The following MYH1 variants were observed in gnomAD, a reference collection of about 807,000 sequenced individuals.
MYH1 encodes myosin-1.
In MYH1, 214 loss-of-function variants were observed where a neutral mutation model predicts 225.6. The observed-to-expected ratio is 0.95, with a 90% CI of 0.85 to 1.06. The LOEUF is 1.06. MYH1 is among the 50% of genes least tolerant of loss of function. MYH1 has a pLI of 0.00. For missense variants in MYH1, 2,098 were observed against 2,344.2 expected (o/e 0.89, Z 2.17); for synonymous variants, 774 against 842.3 (o/e 0.92, Z 1.40).
intron 28 of MYH1, among the ~76,000 whole-genome samples, chr17:10,499,482 A>G (rs1567716596): frequency 6.6e-6 from 1 of 152,224 alleles, no homozygotes; most frequent in Non-Finnish European, 1.5e-5. Flanking sequence ...AAGGATTTAT[A>G]CTGTGGAAAA....
At position 10,516,319 on chromosome 17, in the gene MYH1, T is replaced by G. The variant is rs760265363; in HGVS notation, c.228A>C (p.Gln76His). The G allele has an allele frequency of 3.7e-6, 6 of 1,614,064 alleles. No individual in the cohort carries two copies. The African/African-American group carries it at 6.7e-5, about 18-fold the overall frequency. Residue 76 changes from glutamine to histidine, a missense_variant, in exon 4 of 40, where the codon CAA (glutamine) becomes CAC (histidine). By Grantham distance (24) the Gln-to-His change is conservative (BLOSUM62 0). Coordinates refer to ENST00000226207, the MANE Select transcript of MYH1 (RefSeq NM_005963.4). ...AGATVTVKDD[Q>H]VFPMNPPKYD... ...ATTTGGGAGGGTTCATGGGGAAGAC[T>G]TGGTCATCTTTCACTGTTACAGTCT...
intron 6 of MYH1, 128 bp from the exon 7 acceptor site, chr17:10,514,252 C>G: frequency 9.1e-7 from 1 of 1,104,058 alleles, no homozygotes; most frequent in South Asian, 1.6e-5. Context: ...ACATATAGCT[C>G]GTATTATTTC....
chr17:10,501,546 A>C, intron 26 of MYH1, 47 bp from the exon 27 acceptor site: 1 of 1,614,220 alleles, frequency 6.2e-7, no homozygotes, highest in Non-Finnish European at 8.5e-7. Context: ...TCTTGGTGTC[A>C]GTAACTTTTC....
intron 2 of MYH1, among the ~76,000 whole-genome samples, chr17:10,517,222 T>A (rs1249201525): frequency 6.6e-6 from 1 of 152,158 alleles, no homozygotes; most frequent in Non-Finnish European, 1.5e-5. Flanking sequence ...ATTCTGTACA[T>A]GACAGAAATA....
chr17:10,500,936 G>C (rs2073047452), intron 27 of MYH1, among the ~76,000 whole-genome samples, 174 bp downstream of exon 27: 1 of 152,050 alleles, frequency 6.6e-6, no homozygotes, highest in African/African-American at 2.4e-5. Context: ...CATAGTCCAA[G>C]CATACAGCCA....
intron 29 of MYH1, 64 bp from the exon 30 acceptor site, chr17:10,498,886 C>T: frequency 6.2e-7 from 1 of 1,606,888 alleles, no homozygotes; most frequent in Non-Finnish European, 8.5e-7. Flanking sequence ...TTCCTGATCT[C>T]CTATAGGCCA....
chr17:10,497,274 A>G lies in MYH1; in HGVS notation c.4531+13T>C. On this transcript the variant is annotated intron_variant, in intron 32 of 39. Transcript: ENST00000226207. ...AATCTTTTATTGTTAAAGAAAAGGT[A>G]AAATGTTCTCACGTTGCAAATTCTT... is the stretch of plus-strand genomic sequence containing the variant. The G allele has an allele frequency of 6.3e-7, 1 of 1,595,314 alleles. No homozygotes were observed. Among genetic ancestry groups the G allele is most frequent in the Non-Finnish European group, 8.5e-7 (1 of 1,174,976 alleles).
Position 10,501,901 on chromosome 17 carries a change from G to C in MYH1, c.3122C>G (p.Ser1041Cys). The change falls in exon 25 of 40, where the codon TCT becomes TGT. Residue 1041 changes from serine to cysteine, a missense_variant. By Grantham distance (112) the Ser-to-Cys change is moderately radical (BLOSUM62 -1). Coordinates refer to ENST00000226207, the MANE Select transcript of MYH1 (RefSeq NM_005963.4). The stretch of plus-strand genomic sequence containing the variant: ...CCGGATTTTCTTTTCTTGTTCCAAA[G>C]ATCCTTCAAGCTAAAAGTTAATAAT... Reference protein sequence around the residue: ...LEQQVDDLEGSLEQEKKIRMD... With the variant: ...LEQQVDDLEGCLEQEKKIRMD... 1 of 1,604,804 alleles carries C rather than the reference G, an allele frequency of 6.2e-7. No individual in the cohort carries two copies. The highest frequency in any genetic ancestry group is 1.1e-5 in the South Asian group (1 of 87,864).
In MYH1 at chr17:10,516,671, T is replaced by C. The variant is rs2073233370; in HGVS notation, c.-29A>G. ...TGCAGGTTATTGATGGTAGCCCAGT[T>C]AAGGACCCTGGCTGGGAGAGGAAGA... On this transcript the variant is annotated 5_prime_UTR_variant, in exon 3 of 40. Transcript: ENST00000226207. 1 of 1,612,132 alleles carries C rather than the reference T, an allele frequency of 6.2e-7. No homozygotes were observed.
chr17:10,509,307 T>C (rs1348690222), intron 15 of MYH1, among the ~76,000 whole-genome samples, 178 bp downstream of exon 15: 2 of 152,362 alleles, frequency 1.3e-5, no homozygotes, highest in African/African-American at 2.4e-5. Context: ...CTGGACTCTA[T>C]AGAAAATATT....
At chr17:10,506,761 G>A (rs1480432855) in intron 17 of MYH1, among the ~76,000 whole-genome samples, 13 of 152,184 alleles carry the variant, frequency 8.5e-5, no homozygotes, top group Admixed American at 8.5e-4. Flanking sequence ...CCAAAGTGCT[G>A]GGATTACAGG....
In MYH1 at chr17:10,495,187, C is replaced by T. The variant is rs779431315; in HGVS notation, c.5295+5G>A. The T allele has an allele frequency of 6.2e-7, 1 of 1,614,122 alleles. No homozygotes were observed. Among genetic ancestry groups the T allele is most frequent in the African/African-American group, 1.3e-5 (1 of 74,936 alleles). Reference sequence around the variant, plus strand: ...TTGACCACCACTGTGTTACCCTTCACTCACATCAGTGATGGCCTTCTTGGC... The same window carrying T: ...TTGACCACCACTGTGTTACCCTTCATTCACATCAGTGATGGCCTTCTTGGC... On this transcript the variant is annotated splice_donor_5th_base_variant and intron_variant, in intron 36 of 39. Coordinates refer to ENST00000226207, the MANE Select transcript of MYH1 (RefSeq NM_005963.4).
At chr17:10,506,832 G>A (rs2073117512) in intron 17 of MYH1, among the ~76,000 whole-genome samples, 1 of 152,152 alleles carries the variant, frequency 6.6e-6, no homozygotes, top group South Asian at 2.1e-4. Flanking sequence ...ACTTGTATCT[G>A]TGTGTCTATC....
Position 10,496,521 on chromosome 17 carries a change from A to T in MYH1, c.4685T>A (p.Ile1562Asn). Residue 1562 changes from isoleucine to asparagine, a missense_variant, in exon 34 of 40, where the codon ATC becomes AAC. By Grantham distance (149) the Ile-to-Asn change is moderately radical. Transcript: ENST00000226207. ...EASLEHEEGK[I>N]LRIQLELNQV... Reference sequence around the variant, plus strand: ...GTTCAACTCAAGCTGGATGCGCAGGATCTTTCCCTCTTCATGTTCAAGAGA... The same window carrying T: ...GTTCAACTCAAGCTGGATGCGCAGGTTCTTTCCCTCTTCATGTTCAAGAGA... 6.2e-7 allele frequency: 1 copy of T among 1,614,092 alleles called. No homozygotes were observed. The highest frequency in any genetic ancestry group is 1.3e-5 in the African/African-American group (1 of 75,000).
Position 10,506,740 on chromosome 17 carries a change from G to T in MYH1, c.1969-641C>A, listed in dbSNP as rs191376342. Among the ~76,000 whole-genome samples the T allele has an allele frequency of 8.5e-4, 130 of 152,192 alleles. 1 individual carries two copies. The East Asian group carries it at 0.012, about 14-fold the overall frequency. ...ACTCCTGACCTCAAGTGATCCACCC[G>T]CCTTAGCCTCCCAAAGTGCTGGGAT... On this transcript the variant is annotated intron_variant, in intron 17 of 39. Transcript: ENST00000226207.
chr17:10,495,349 G>T (rs2072978535), intron 35 of MYH1, 32 bp from the exon 36 acceptor site: 1 of 1,611,292 alleles, frequency 6.2e-7, no homozygotes, highest in Non-Finnish European at 8.5e-7. Flanking sequence ...GAAATATTAG[G>T]CACATGAGAG....
chr17:10,497,663 T>A, intron 31 of MYH1, 71 bp downstream of exon 31: 1 of 1,588,126 alleles, frequency 6.3e-7, no homozygotes, highest in South Asian at 1.1e-5. Flanking sequence ...TGGTTTGAAT[T>A]GGGCACACTG....
chr17:10,510,021 C>T (rs2073156043), intron 14 of MYH1, among the ~76,000 whole-genome samples: 1 of 151,974 alleles, frequency 6.6e-6, no homozygotes, highest in South Asian at 2.1e-4. Flanking sequence ...ACACTGGGGC[C>T]TATTGGAGGG....
intron 28 of MYH1, among the ~76,000 whole-genome samples, 174 bp downstream of exon 28, chr17:10,500,452 G>C (rs531649134): frequency 1.3e-5 from 2 of 150,536 alleles, no homozygotes; most frequent in Non-Finnish European, 2.9e-5. Context: ...TATTTCTCTC[G>C]TATATATATG....
Sources: allele counts gnomAD v4.1 joint callset (sites outside exome capture counted in the v4.1 genomes callset), GRCh38; gene constraint gnomAD v4.1.1; transcripts MANE v1.5; gene names NCBI Gene and HGNC (gene_info 2026-07-23, HGNC 2026-07-21).